The following UNC119 variants were observed in gnomAD, a reference collection of about 807,000 sequenced individuals.
The protein encoded by UNC119 is protein unc-119 homolog A.
A neutral mutation model predicts 22.6 loss-of-function variants in UNC119; 15 were observed. That is an observed-to-expected ratio of 0.66 (90% CI 0.44 to 1.02). The LOEUF is 1.02. UNC119 is among the 50% of genes least tolerant of loss of function. The pLI is 0.00. For missense variants in UNC119, 322 were observed against 336.0 expected (o/e 0.96, Z 0.33); for synonymous variants, 138 against 139.4 (o/e 0.99, Z 0.07).
chr17:28,547,456 T>C (rs1597577182), intron 4 of UNC119, 47 bp from the exon 5 acceptor site: 3 of 1,598,362 alleles, frequency 1.9e-6, no homozygotes, highest in South Asian at 1.1e-5. Flanking sequence ...GGAGCTTGAG[T>C]CCCGCCACTG....
At position 28,548,927 on chromosome 17, in the gene UNC119, G is replaced by C. The variant is rs1267183057; in HGVS notation, c.221-222C>G. The C allele has an allele frequency of 5.8e-6, 3 of 513,746 alleles. No individual in the cohort carries two copies. The Admixed American group carries it at 9.6e-5, about 17-fold the overall frequency. The allele number at this position is 513,746 out of a possible 1,614,324, so 31.8% of individuals were successfully genotyped here. A position where few individuals can be genotyped will look rare whatever the true frequency, so the allele number is the denominator to read the frequency against. ...GGGGATAAGGAGTGCCATCCTACTG[G>C]TCTCTGGGGGCCAGGGAAGGGCAGG... On this transcript the variant is annotated intron_variant, in intron 1 of 4. Transcript: ENST00000335765.
At chr17:28,550,435 G>A (rs989241162) in intron 1 of UNC119, 1 of 152,174 alleles carries the variant, frequency 6.6e-6, no homozygotes, top group East Asian at 1.9e-4. Context: ...TCTGTCCTTA[G>A]AAGAAGTGAG....
chr17:28,552,298 C>T (rs2151509817), intron 1 of UNC119, 40 bp downstream of exon 1: 2 of 1,524,382 alleles, frequency 1.3e-6, no homozygotes, highest in Non-Finnish European at 1.8e-6. Flanking sequence ...CACCCTCTCC[C>T]CTTCCCACCC....
Position 28,547,205 on chromosome 17 carries a change from A to T in UNC119, c.*92T>A. 4 of 1,498,816 alleles carry T rather than the reference A, an allele frequency of 2.7e-6. No individual in the cohort carries two copies. Among genetic ancestry groups the T allele is most frequent in the Non-Finnish European group, 3.7e-6 (4 of 1,091,440 alleles). The allele number at this position is 1,498,816 out of a possible 1,614,324, so 92.8% of individuals were successfully genotyped here. On this transcript the variant is annotated 3_prime_UTR_variant, in exon 5 of 5. Coordinates refer to ENST00000335765, the MANE Select transcript of UNC119 (RefSeq NM_005148.4). Reference sequence around the variant, plus strand: ...TCCGGAGCTCCTGGAGAACTCCCCAAGCAGAGGACTTGGGGTTGAGGGGTG... The same window carrying T: ...TCCGGAGCTCCTGGAGAACTCCCCATGCAGAGGACTTGGGGTTGAGGGGTG...
intron 1 of UNC119, chr17:28,551,928 C>T: frequency 3.0e-6 from 1 of 337,472 alleles, no homozygotes; most frequent in South Asian, 2.4e-5. Context: ...GTAACTCAGC[C>T]TCCACCTAGC....
In UNC119 at chr17:28,552,407, G is replaced by A; in HGVS notation, c.151C>T (p.Pro51Ser). 6.4e-7 allele frequency: 1 copy of A among 1,554,512 alleles called. No individual in the cohort carries two copies. The highest frequency in any genetic ancestry group is 8.6e-7 in the Non-Finnish European group (1 of 1,157,998). ...GGCTGCTTCCTCTGCAGCGGCCCCG[G>A]CCTGGGCCCTGGGCCTGCGTCCGGC... Reference protein sequence around the residue: ...SEPDAGPGPRPGPLQRKQPIG... With the variant: ...SEPDAGPGPRSGPLQRKQPIG... Residue 51 changes from proline (P) to serine (S), a missense_variant, in exon 1 of 5, where the codon CCG (proline) becomes TCG (serine). Pro to Ser is a moderately conservative substitution (Grantham distance 74). Coordinates refer to ENST00000335765, the MANE Select transcript of UNC119 (RefSeq NM_005148.4).
In UNC119 at chr17:28,552,510, G is replaced by T; in HGVS notation, c.48C>A (p.Ser16=). The T allele has an allele frequency of 6.4e-7, 1 of 1,560,220 alleles. No homozygotes were observed. Among genetic ancestry groups the T allele is most frequent in the Non-Finnish European group, 8.6e-7 (1 of 1,163,478 alleles). ...CGCTCTGGCCCGAGGGCCCCGGAGC[G>T]GACTCCGTCGCCGTCCCGGCCCCAC... The part of the protein sequence containing the change: ...GGGGAGTATE[S]APGPSGQSVA... The change falls in exon 1 of 5, where the codon TCC becomes TCA. Residue 16 remains serine, a synonymous_variant. Transcript: ENST00000335765.
Position 28,547,917 on chromosome 17 carries a change from G to A in UNC119, c.438-68C>T, listed in dbSNP as rs556486188. On this transcript the variant is annotated intron_variant, in intron 3 of 4. Transcript: ENST00000335765. ...CAACTAGCCAGCCAGGCTCAGGACAGGCCACCCCTACGAGAGGCTGAGAAG... is the reference window on the plus strand; with the variant it reads ...CAACTAGCCAGCCAGGCTCAGGACAAGCCACCCCTACGAGAGGCTGAGAAG... 846 of 1,612,926 alleles carry A rather than the reference G, an allele frequency of 5.2e-4. 3 individuals are homozygous for A. Among genetic ancestry groups the A allele is most frequent in the South Asian group, 1.2e-3 (110 of 91,026 alleles).
chr17:28,547,716 C>G lies in UNC119; in HGVS notation c.571G>C (p.Glu191Gln), dbSNP rs1405456098. 6.2e-7 allele frequency: 1 copy of G among 1,614,174 alleles called. No individual in the cohort carries two copies. The highest frequency in any genetic ancestry group is 1.6e-4 in the Middle Eastern group (1 of 6,062). ...AGAGGGGGGAAGTCGTAAATGTGCT[C>G]GCAGGTGTTCTTGCTGCTGGGGATG... Reference protein sequence around the residue: ...FCIPSSKNTCEHIYDFPPLSE... With the variant: ...FCIPSSKNTCQHIYDFPPLSE... The change falls in exon 4 of 5, where the codon GAG becomes CAG. Residue 191 changes from glutamate to glutamine, a missense_variant. Physicochemically the swap from Glu to Gln is conservative, Grantham distance 29 (BLOSUM62 2). Transcript: ENST00000335765.
rs762269105 is a variant in UNC119 at position 28,552,550 on chromosome 17, AC to A, written c.7del (p.Val3Ter). On this transcript the variant is annotated frameshift_variant, in exon 1 of 5. Coordinates refer to ENST00000335765, the MANE Select transcript of UNC119 (RefSeq NM_005148.4). LOFTEE classifies it high-confidence loss of function. ...CCCGGCCCCACCGCCGCCCTTCTTC[AC>A]CTTCATGGCCTTGCGGGGCCGAGGC... MKVKKGGGGAGTA... is the reference protein window; with the variant it reads MKXKKGGGGAGTA... 44 of 1,533,960 alleles carry A rather than the reference AC, an allele frequency of 2.9e-5. No homozygotes were observed. The highest frequency in any genetic ancestry group is 3.7e-5 in the Non-Finnish European group (43 of 1,150,630).
intron 1 of UNC119, chr17:28,548,948 G>T (rs2070242670): frequency 6.2e-6 from 3 of 480,168 alleles, no homozygotes; most frequent in African/African-American, 5.9e-5. Context: ...CCAGGGAAGG[G>T]CAGGGCAGAG....
chr17:28,547,151 G>T lies in UNC119; in HGVS notation c.*146C>A. On this transcript the variant is annotated 3_prime_UTR_variant, in exon 5 of 5. Coordinates refer to ENST00000335765, the MANE Select transcript of UNC119 (RefSeq NM_005148.4). The stretch of plus-strand genomic sequence containing the variant: ...TCATGGGCTTGACTGGGGACACCAG[G>T]TACCCTTCCTCCCAACATTGACTCA... 3 of 991,206 alleles carry T rather than the reference G, an allele frequency of 3.0e-6. No homozygotes were observed. Among genetic ancestry groups the T allele is most frequent in the Non-Finnish European group, 4.6e-6 (3 of 653,636 alleles). 61.4% of individuals were successfully genotyped at this position (991,206 alleles called of 1,614,324 possible). A position where few individuals can be genotyped will look rare whatever the true frequency, so the allele number is the denominator to read the frequency against.
chr17:28,547,161 T>G lies in UNC119; in HGVS notation c.*136A>C. The G allele has an allele frequency of 9.3e-7, 1 of 1,079,904 alleles. No homozygotes were observed. Among genetic ancestry groups the G allele is most frequent in the Non-Finnish European group, 1.4e-6 (1 of 730,620 alleles). 66.9% of individuals were successfully genotyped at this position (1,079,904 alleles called of 1,614,324 possible). A position where few individuals can be genotyped will look rare whatever the true frequency, so the allele number is the denominator to read the frequency against. On this transcript the variant is annotated 3_prime_UTR_variant, in exon 5 of 5. Coordinates refer to ENST00000335765, the MANE Select transcript of UNC119 (RefSeq NM_005148.4). Reference sequence around the variant, plus strand: ...GACTGGGGACACCAGGTACCCTTCCTCCCAACATTGACTCAGGGTCCGGAG... The same window carrying G: ...GACTGGGGACACCAGGTACCCTTCCGCCCAACATTGACTCAGGGTCCGGAG...
chr17:28,547,894 A>G (rs2151507500), intron 3 of UNC119, 45 bp from the exon 4 acceptor site: 4 of 1,612,576 alleles, frequency 2.5e-6, no homozygotes, highest in East Asian at 2.2e-5. Context: ...CTTGAAGTCA[A>G]CTAGCCAGCC....
At chr17:28,548,334 C>T (rs749080678) in intron 2 of UNC119, among the ~76,000 whole-genome samples, 3 of 152,208 alleles carry the variant, frequency 2.0e-5, no homozygotes, top group East Asian at 3.9e-4. Flanking sequence ...GCCTGGGACC[C>T]GTAGGACTGC....
chr17:28,551,999 G>C (rs1446658785), intron 1 of UNC119: 6 of 511,230 alleles, frequency 1.2e-5, no homozygotes, highest in South Asian at 4.9e-5. Flanking sequence ...GTGCAGGGAC[G>C]GGCCTCAAAG....
At chr17:28,548,902 G>A in intron 1 of UNC119, 197 bp from the exon 2 acceptor site, 4 of 556,972 alleles carry the variant, frequency 7.2e-6, no homozygotes, top group Non-Finnish European at 1.3e-5. Context: ...GGATCTAACA[G>A]GGGATAAGGA....
chr17:28,547,433 C>G (rs561880733), intron 4 of UNC119, 24 bp from the exon 5 acceptor site: 1 of 1,613,120 alleles, frequency 6.2e-7, no homozygotes, highest in Middle Eastern at 1.7e-4. Flanking sequence ...CCAGCCAGGC[C>G]GGGCAAAGGT....
chr17:28,550,484 CCTT>C (rs1037135435), intron 1 of UNC119: 3 of 152,254 alleles, frequency 2.0e-5, no homozygotes, highest in African/African-American at 4.8e-5. Context: ...CACGGCCACT[CCTT>C]CTCTTCTAGA....
Sources: gnomAD v4.1 joint callset for allele counts (sites outside exome capture counted in the v4.1 genomes callset) on GRCh38, gnomAD v4.1.1 for gene constraint, MANE v1.5 for transcripts, NCBI Gene and HGNC (gene_info 2026-07-23, HGNC 2026-07-21) for gene names.